Variants in CCDC88A observed in about 807,000 individuals in gnomAD.
CCDC88A encodes girdin.
Under a neutral mutation model 234.3 loss-of-function variants are expected in CCDC88A, and 54 were observed. The ratio of observed to expected loss-of-function variants is 0.23; its 90% confidence interval spans 0.19 to 0.29. CCDC88A has a LOEUF of 0.29. CCDC88A is among the 10% of genes least tolerant of loss of function. The pLI, the probability that CCDC88A is intolerant of heterozygous loss-of-function variation, is 1.00. For missense variants in CCDC88A, 1,832 were observed against 2,123.4 expected, an observed-to-expected ratio of 0.86 and a Z score of 2.70; for synonymous variants, 753 against 737.8, an observed-to-expected ratio of 1.02 and a Z score of -0.33.
At chr2:55,320,022 G>A (rs1000679736) in intron 18 of CCDC88A, among the ~76,000 whole-genome samples, 1 of 151,988 alleles carries the variant, frequency 6.6e-6, no homozygotes, top group Non-Finnish European at 1.5e-5. Context: ...AGGCAGGTCA[G>A]GATTTGACCC....
chr2:55,342,729 T>C (rs999485641), intron 12 of CCDC88A, among the ~76,000 whole-genome samples: 5 of 152,168 alleles, frequency 3.3e-5, no homozygotes, highest in Admixed American at 6.5e-5. Context: ...AAGAACCTAA[T>C]TGGTAATCAA....
chr2:55,372,524 A>G lies in CCDC88A; in HGVS notation c.344-14T>C, dbSNP rs1245503566. On this transcript the variant is annotated splice_polypyrimidine_tract_variant and intron_variant, in intron 4 of 32. Transcript: ENST00000436346. The stretch of plus-strand genomic sequence containing the variant: ...CTGTGCCTTGTTCTAAAATAGAAAC[A>G]ATTATTAAGGACAACATTCTGCTAT... The G allele has an allele frequency of 8.0e-7, 1 of 1,242,416 alleles. No homozygotes were observed. The highest frequency in any genetic ancestry group is 1.8e-5 in the Admixed American group (1 of 55,588). 77.0% of individuals were successfully genotyped at this position (1,242,416 alleles called of 1,614,324 possible). A position where few individuals can be genotyped will look rare whatever the true frequency, so the allele number is the denominator to read the frequency against.
chr2:55,350,887 AG>A (rs1669790378), intron 8 of CCDC88A, among the ~76,000 whole-genome samples: 1 of 152,106 alleles, frequency 6.6e-6, no homozygotes. Context: ...CCTGGCCTCA[AG>A]CAATCTTCCT....
chr2:55,393,647 T>TA (rs1333333206), intron 2 of CCDC88A, among the ~76,000 whole-genome samples: 1 of 152,132 alleles, frequency 6.6e-6, no homozygotes, highest in Admixed American at 6.5e-5. Flanking sequence ...TTTCAAAACT[T>TA]AGTTTACTCA....
At chr2:55,377,484 G>A (rs1427343130) in intron 3 of CCDC88A, among the ~76,000 whole-genome samples, 2 of 151,524 alleles carry the variant, frequency 1.3e-5, no homozygotes, top group Non-Finnish European at 2.9e-5. Context: ...TCATAAATAA[G>A]AGAGCTGTAT....
chr2:55,390,166 G>C (rs1387061810), intron 2 of CCDC88A, among the ~76,000 whole-genome samples: 1 of 143,740 alleles, frequency 7.0e-6, no homozygotes, highest in African/African-American at 2.6e-5. Flanking sequence ...AAACTGAGTG[G>C]TATCGTTTTA....
At chr2:55,394,488 A>T (rs572678853) in intron 2 of CCDC88A, 2 of 152,040 alleles carry the variant, frequency 1.3e-5, no homozygotes, top group East Asian at 3.9e-4. Context: ...CTAGTTCTAG[A>T]TCTCTGAGGA....
chr2:55,403,679 G>A (rs1447120267), intron 2 of CCDC88A: 1 of 152,192 alleles, frequency 6.6e-6, no homozygotes, highest in Non-Finnish European at 1.5e-5. Flanking sequence ...GCTAGCAGGG[G>A]TCTGATCTCA....
Position 55,289,432 on chromosome 2 carries a change from T to G in CCDC88A, c.*1768A>C, listed in dbSNP as rs567302321. On this transcript the variant is annotated 3_prime_UTR_variant, in exon 33 of 33. Coordinates refer to ENST00000436346, the MANE Select transcript of CCDC88A (RefSeq NM_001365480.1). ...CTGATACCTATTACCAATGTGCTAC[T>G]TGAATCCAGGGAGTTATGAGAGAGA... The G allele has an allele frequency of 6.5e-6, 1 of 152,682 alleles. No individual in the cohort carries two copies. Among genetic ancestry groups the G allele is most frequent in the Admixed American group, 6.5e-5 (1 of 15,294 alleles). The allele number at this position is 152,682 out of a possible 1,614,324, so 9.5% of individuals were successfully genotyped here.
At chr2:55,396,731 G>T (rs1045873736) in intron 2 of CCDC88A, among the ~76,000 whole-genome samples, 1 of 151,826 alleles carries the variant, frequency 6.6e-6, no homozygotes, top group Non-Finnish European at 1.5e-5. Flanking sequence ...TTAGCCAGGC[G>T]TGGTGGCAGG....
chr2:55,372,319 C>T, intron 5 of CCDC88A, 133 bp downstream of exon 5: 1 of 529,600 alleles, frequency 1.9e-6, no homozygotes, highest in Non-Finnish European at 3.4e-6. Flanking sequence ...GGAGGTTATA[C>T]AGTTATTGAA....
intron 3 of CCDC88A, among the ~76,000 whole-genome samples, chr2:55,375,814 C>T (rs1042379021): frequency 6.6e-6 from 1 of 151,872 alleles, no homozygotes; most frequent in Admixed American, 6.6e-5. Flanking sequence ...AGGCATAAGC[C>T]ACCACACCAG....
chr2:55,310,721 G>A (rs1682244454), intron 23 of CCDC88A, among the ~76,000 whole-genome samples: 1 of 152,196 alleles, frequency 6.6e-6, no homozygotes, highest in African/African-American at 2.4e-5. Flanking sequence ...GTGAACAGAT[G>A]TTGCCAACAG....
intron 29 of CCDC88A, among the ~76,000 whole-genome samples, chr2:55,297,762 A>G (rs538421874): frequency 6.6e-6 from 1 of 152,168 alleles, no homozygotes; most frequent in South Asian, 2.1e-4. Flanking sequence ...AAACTGTTCT[A>G]AATGCAGAAA....
In CCDC88A at chr2:55,396,869, CAAAAAAAAAAAAA is replaced by C. The variant is rs34500780; in HGVS notation, c.165-7996_165-7984del. ...TGGGCAACGGAGCAAGACTCCATCTCAAAAAAAAAAAAAAAAAAAAAAAGGGTTTCAGCAATGT... is the reference window on the plus strand; with the variant it reads ...TGGGCAACGGAGCAAGACTCCATCTCAAAAAAAAAAGGGTTTCAGCAATGT... On this transcript the variant is annotated intron_variant, in intron 2 of 32. Transcript: ENST00000436346. Among the ~76,000 whole-genome samples the C allele has an allele frequency of 8.9e-3, 526 of 58,924 alleles. 4 individuals carry two copies. The highest frequency in any genetic ancestry group is 0.03 in the African/African-American group (447 of 15,026). 38.7% of individuals were successfully genotyped at this position (58,924 alleles called of 152,430 possible).
At chr2:55,325,408 C>T (rs1188825373) in intron 17 of CCDC88A, among the ~76,000 whole-genome samples, 1 of 152,124 alleles carries the variant, frequency 6.6e-6, no homozygotes, top group Non-Finnish European at 1.5e-5. Flanking sequence ...ATTAGTTCAC[C>T]TTAGCTGTAG....
chr2:55,378,215 C>A (rs149640766), intron 3 of CCDC88A, among the ~76,000 whole-genome samples: 1 of 152,292 alleles, frequency 6.6e-6, no homozygotes, highest in East Asian at 1.9e-4. Context: ...TTTCCCCATG[C>A]TCTACTGTTA....
chr2:55,378,403 T>C (rs930546641), intron 3 of CCDC88A, among the ~76,000 whole-genome samples: 4 of 152,204 alleles, frequency 2.6e-5, no homozygotes, highest in African/African-American at 9.6e-5. Flanking sequence ...TCTAGTATAG[T>C]AGAATCTAAA....
chr2:55,344,401 T>C lies in CCDC88A; in HGVS notation c.1155A>G (p.Leu385=). Reference sequence around the variant, plus strand: ...TATCATGAAGTTTAGCTTTCAGTTGTAAGTTCTCTTTTTCTAATTCATGTA... The same window carrying C: ...TATCATGAAGTTTAGCTTTCAGTTGCAAGTTCTCTTTTTCTAATTCATGTA... The part of the protein sequence containing the change: ...DKLHELEKEN[L]QLKAKLHDME... The change falls in exon 11 of 33, where the codon TTA becomes TTG. Residue 385 remains leucine, a synonymous_variant. Coordinates refer to ENST00000436346, the MANE Select transcript of CCDC88A (RefSeq NM_001365480.1). 6.3e-7 allele frequency: 1 copy of C among 1,594,562 alleles called. No individual in the cohort carries two copies. Among genetic ancestry groups the C allele is most frequent in the Non-Finnish European group, 8.6e-7 (1 of 1,169,034 alleles).
Sources: gnomAD v4.1 joint callset for allele counts (sites outside exome capture counted in the v4.1 genomes callset) on GRCh38, gnomAD v4.1.1 for gene constraint, MANE v1.5 for transcripts, NCBI Gene and HGNC (gene_info 2026-07-23, HGNC 2026-07-21) for gene names.